NFIX: variants seen among roughly 807,000 people sequenced by gnomAD.
NFIX encodes the protein nuclear factor I X.
A neutral mutation model predicts 53.3 loss-of-function variants in NFIX; 2 were observed. The observed-to-expected ratio is 0.04, with a 90% CI of 0.02 to 0.12. The LOEUF (loss-of-function observed/expected upper bound fraction) is 0.12, where lower values mean the gene tolerates loss of function less well. NFIX is among the 10% of genes least tolerant of loss of function. The pLI, the probability that NFIX is intolerant of heterozygous loss-of-function variation, is 1.00. For missense variants in NFIX, 310 were observed against 674.5 expected, an observed-to-expected ratio of 0.46 and a Z score of 5.99; for synonymous variants, 244 against 289.0, an observed-to-expected ratio of 0.84 and a Z score of 1.58.
rs998967161 is a variant in NFIX at position 13,095,568 on chromosome 19, T to A, written c.*919T>A. The A allele has an allele frequency of 6.6e-6, 1 of 151,988 alleles. No individual in the cohort carries two copies. Among genetic ancestry groups the A allele is most frequent in the Non-Finnish European group, 1.5e-5 (1 of 68,020 alleles). The allele number at this position is 151,988 out of a possible 1,614,324, so 9.4% of individuals were successfully genotyped here. On this transcript the variant is annotated 3_prime_UTR_variant, in exon 11 of 11. Transcript: ENST00000592199. ...GGTCGCCCCCGCCCCCAGCCCTGCA[T>A]GCAGGTGCCCTCGCTCCGCCCCATC... is the stretch of plus-strand genomic sequence containing the variant.
Position 13,075,625 on chromosome 19 carries a change from A to C in NFIX, c.909A>C (p.Ala303=), listed in dbSNP as rs891667852. Residue 303 remains alanine (A), a synonymous_variant, in exon 6 of 11, where the codon GCA becomes GCC. Transcript: ENST00000592199. ...VFYPGTGRSP[A]AGSSQSSGWP... Reference sequence around the variant, plus strand: ...ATCCCGGGACAGGCCGTTCCCCAGCAGCTGGCAGCAGCCAGTCCAGCGGGT... The same window carrying C: ...ATCCCGGGACAGGCCGTTCCCCAGCCGCTGGCAGCAGCCAGTCCAGCGGGT... 6.2e-7 allele frequency: 1 copy of C among 1,613,456 alleles called. No individual in the cohort carries two copies. Among genetic ancestry groups the C allele is most frequent in the African/African-American group, 1.3e-5 (1 of 74,926 alleles).
intron 1 of NFIX, chr19:13,024,113 C>CAAA (rs113861190): frequency 1.8e-3 from 760 of 411,290 alleles, no homozygotes; most frequent in South Asian, 2.9e-3. Flanking sequence ...AGCAAACAAC[C>CAAA]AAAAAAAAAA....
At chr19:13,063,761 A>G (rs2016237391) in intron 2 of NFIX, among the ~76,000 whole-genome samples, 1 of 152,086 alleles carries the variant, frequency 6.6e-6, no homozygotes, top group Non-Finnish European at 1.5e-5. Flanking sequence ...TCCCAGGCGC[A>G]TCCCTTGAGT....
chr19:13,029,951 G>A (rs2013672752), intron 2 of NFIX, among the ~76,000 whole-genome samples: 1 of 152,202 alleles, frequency 6.6e-6, no homozygotes, highest in Non-Finnish European at 1.5e-5. Context: ...TGCCAGCGAG[G>A]TTCCCCAAGC....
intron 8 of NFIX, chr19:13,082,686 C>T (rs1048794210): frequency 3.3e-5 from 5 of 152,388 alleles, no homozygotes; most frequent in Non-Finnish European, 7.3e-5. Flanking sequence ...TTCAGTGGGA[C>T]AACGGTCCCT....
chr19:13,000,326 C>A lies in NFIX; in HGVS notation c.27+4462C>A, dbSNP rs576259924. On this transcript the variant is annotated intron_variant, in intron 1 of 10. Transcript: ENST00000592199. Reference sequence around the variant, plus strand: ...TTGTTGCCAATTGTTGGTTGTCAACCTCCCAGACCCTCCCAGCTGAGAGAG... The same window carrying A: ...TTGTTGCCAATTGTTGGTTGTCAACATCCCAGACCCTCCCAGCTGAGAGAG... 1.0e-3 allele frequency among the ~76,000 whole-genome samples: 152 copies of A among 152,166 alleles called. 1 individual carries two copies. Among genetic ancestry groups the A allele is most frequent in the Non-Finnish European group, 5.7e-4 (39 of 68,014 alleles).
rs1187682671 is a variant in NFIX, at chr19:13,094,379, C to T, written c.1495-256C>T. Among the ~76,000 whole-genome samples, 3 of 152,238 alleles carry T rather than the reference C, an allele frequency of 2.0e-5. No individual in the cohort carries two copies. Among genetic ancestry groups the T allele is most frequent in the Non-Finnish European group, 2.9e-5 (2 of 68,038 alleles). Reference sequence around the variant, plus strand: ...AGCCATGGGGGTCCCACCCGCTGGGCACAGTGCCCACGGGAAGGCCAGCTG... The same window carrying T: ...AGCCATGGGGGTCCCACCCGCTGGGTACAGTGCCCACGGGAAGGCCAGCTG... On this transcript the variant is annotated intron_variant, in intron 10 of 10. Coordinates refer to ENST00000592199, the MANE Select transcript of NFIX (RefSeq NM_001365902.3). The surrounding 1 kb of genome is among the most constrained non-coding windows in gnomAD (Gnocchi z 4.3).
At chr19:13,044,451 G>A (rs1352899713) in intron 2 of NFIX, among the ~76,000 whole-genome samples, 1 of 152,172 alleles carries the variant, frequency 6.6e-6, no homozygotes, top group Non-Finnish European at 1.5e-5. Flanking sequence ...AGTATGGGTT[G>A]GGGTGTGTGT....
intron 2 of NFIX, among the ~76,000 whole-genome samples, chr19:13,030,911 G>A (rs2013753224): frequency 6.6e-6 from 1 of 152,202 alleles, no homozygotes; most frequent in Non-Finnish European, 1.5e-5. Flanking sequence ...ACCAAGCGTG[G>A]GGGGCACGCA....
rs2011489253 is a variant in NFIX at position 12,996,885 on chromosome 19, C to G, written c.27+1021C>G. ...CGAGGATGCCTGTCGGGCCACCCAA[C>G]TCTCCCTGGGCTGTGGCCTGAGGCT... is the stretch of plus-strand genomic sequence containing the variant. On this transcript the variant is annotated intron_variant, in intron 1 of 10. Coordinates refer to ENST00000592199, the MANE Select transcript of NFIX (RefSeq NM_001365902.3). The surrounding 1 kb of genome is among the most constrained non-coding windows in gnomAD (Gnocchi z 5.2). Among the ~76,000 whole-genome samples, 1 of 152,290 alleles carries G rather than the reference C, an allele frequency of 6.6e-6. No homozygotes were observed. Among genetic ancestry groups the G allele is most frequent in the South Asian group, 2.1e-4 (1 of 4,838 alleles).
At chr19:13,010,951 C>G (rs1237671261) in intron 1 of NFIX, among the ~76,000 whole-genome samples, 1 of 152,238 alleles carries the variant, frequency 6.6e-6, no homozygotes, top group Non-Finnish European at 1.5e-5. Context: ...CCCAGTGGCG[C>G]CCCTGCATGT....
chr19:12,996,831 T>C lies in NFIX; in HGVS notation c.27+967T>C, dbSNP rs914267604. Among the ~76,000 whole-genome samples the C allele has an allele frequency of 6.6e-6, 1 of 152,260 alleles. No individual in the cohort carries two copies. The highest frequency in any genetic ancestry group is 2.4e-5 in the African/African-American group (1 of 41,482). On this transcript the variant is annotated intron_variant, in intron 1 of 10. Coordinates refer to ENST00000592199, the MANE Select transcript of NFIX (RefSeq NM_001365902.3). The surrounding 1 kb of genome is among the most constrained non-coding windows in gnomAD (Gnocchi z 5.2). ...GCGTCCCGCCTGCAGCGAAGTTCCC[T>C]GCGCGGCGCACGGCTGCGGCAAAAG...
chr19:13,003,552 C>G (rs1285223434), intron 1 of NFIX, among the ~76,000 whole-genome samples: 1 of 152,220 alleles, frequency 6.6e-6, no homozygotes. Context: ...CATGCAATAA[C>G]ACGCTCTCAG....
chr19:13,019,012 A>G (rs371138146), intron 1 of NFIX, among the ~76,000 whole-genome samples: 3 of 152,086 alleles, frequency 2.0e-5, no homozygotes, highest in African/African-American at 7.2e-5. Context: ...TTTGTAAGTT[A>G]TTTGCTCTAA....
chr19:13,012,674 G>C lies in NFIX; in HGVS notation c.28-12347G>C, dbSNP rs984609923. Among the ~76,000 whole-genome samples, 7 of 152,220 alleles carry C rather than the reference G, an allele frequency of 4.6e-5. No homozygotes were observed. The highest frequency in any genetic ancestry group is 7.3e-5 in the Non-Finnish European group (5 of 68,048). ...CCTGACATCCGACGGAGGATAATGCGCGTTGGAGGGCTTTGGCCGTGAATG... is the reference window on the plus strand; with the variant it reads ...CCTGACATCCGACGGAGGATAATGCCCGTTGGAGGGCTTTGGCCGTGAATG... On this transcript the variant is annotated intron_variant, in intron 1 of 10. Transcript: ENST00000592199. The surrounding 1 kb of genome is among the most constrained non-coding windows in gnomAD (Gnocchi z 5.0).
At position 13,011,544 on chromosome 19, in the gene NFIX, G is replaced by A. The variant is rs1386400243; in HGVS notation, c.28-13477G>A. Among the ~76,000 whole-genome samples, 2 of 152,092 alleles carry A rather than the reference G, an allele frequency of 1.3e-5. No homozygotes were observed. The highest frequency in any genetic ancestry group is 2.9e-5 in the Non-Finnish European group (2 of 68,006). On this transcript the variant is annotated intron_variant, in intron 1 of 10. Transcript: ENST00000592199. This position sits in a 1 kb window ranked among gnomAD's most constrained non-coding sequence, Gnocchi z 6.5. ...TTGGAGGGGTGGGAGCAGAGGCAGG[G>A]GGGTGTGCCGGGACTCCCCAGACGC...
At position 13,037,542 on chromosome 19, in the gene NFIX, A is replaced by C. The variant is rs763063915; in HGVS notation, c.559+11990A>C. 2.6e-5 allele frequency among the ~76,000 whole-genome samples: 4 copies of C among 152,194 alleles called. No homozygotes were observed. Among genetic ancestry groups the C allele is most frequent in the Admixed American group, 6.5e-5 (1 of 15,276 alleles). ...TTTTAGGTGTATGGGAGATTGCTTC[A>C]TATAGGGTGGGGAAGAACTAGTCTT... On this transcript the variant is annotated intron_variant, in intron 2 of 10. Transcript: ENST00000592199. This position sits in a 1 kb window ranked among gnomAD's most constrained non-coding sequence, Gnocchi z 4.2.
intron 2 of NFIX, among the ~76,000 whole-genome samples, chr19:13,029,842 C>T (rs575603235): frequency 6.6e-6 from 1 of 152,306 alleles, no homozygotes; most frequent in Admixed American, 6.5e-5. Context: ...TTGTAGCAGG[C>T]ACTAGTTTTC....
chr19:13,078,478 A>G lies in NFIX; in HGVS notation c.956-135A>G, dbSNP rs1313128752. 1.7e-6 allele frequency: 2 copies of G among 1,156,580 alleles called. No homozygotes were observed. Among genetic ancestry groups the G allele is most frequent in the East Asian group, 2.6e-5 (1 of 38,610 alleles). The allele number at this position is 1,156,580 out of a possible 1,614,324, so 71.6% of individuals were successfully genotyped here. A position where few individuals can be genotyped will look rare whatever the true frequency, so the allele number is the denominator to read the frequency against. ...GGCCTGGGACTGGGCAAGGAGCAGC[A>G]GGAGGGAGCACAGTGGAGGAAGGGG... On this transcript the variant is annotated intron_variant, in intron 6 of 10. Transcript: ENST00000592199. The surrounding 1 kb of genome is among the most constrained non-coding windows in gnomAD (Gnocchi z 4.7).
Sources: gnomAD v4.1 joint callset for allele counts (sites outside exome capture counted in the v4.1 genomes callset) on GRCh38, gnomAD v4.1.1 for gene constraint, Gnocchi (gnomAD v3.1) non-coding constraint, MANE v1.5 for transcripts, NCBI Gene and HGNC (gene_info 2026-07-23, HGNC 2026-07-21) for gene names.